The following CNTN3 variants were observed in gnomAD, a reference collection of about 807,000 sequenced individuals.
CNTN3 encodes contactin 3.
Under a neutral mutation model 119.1 loss-of-function variants are expected in CNTN3, and 60 were observed. The ratio of observed to expected loss-of-function variants is 0.50; its 90% CI spans 0.41 to 0.62. The LOEUF (loss-of-function observed/expected upper bound fraction) is 0.62. Ranked by LOEUF, CNTN3 falls within the 20% of genes least tolerant of loss-of-function variation. The pLI, the probability that CNTN3 is intolerant of heterozygous loss-of-function variation, is 0.00. For missense variants in CNTN3, 1,101 were observed against 1,242.4 expected, an observed-to-expected ratio of 0.89 and a Z score of 1.71; for synonymous variants, 450 against 438.7, an observed-to-expected ratio of 1.03 and a Z score of -0.32.
intron 8 of CNTN3, among the ~76,000 whole-genome samples, chr3:74,368,759 C>T (rs115956589): frequency 1.9e-4 from 28 of 150,008 alleles, no homozygotes; most frequent in African/African-American, 5.8e-4. Context: ...CCAGAGTTCA[C>T]GTGGTTTGTT....
chr3:74,464,389 C>G (rs542192242), intron 4 of CNTN3, among the ~76,000 whole-genome samples: 2 of 152,186 alleles, frequency 1.3e-5, no homozygotes, highest in South Asian at 4.1e-4. Flanking sequence ...ATTCTGATTT[C>G]TTTTTTGTTG....
At chr3:74,381,961 C>A (rs767391029) in intron 5 of CNTN3, among the ~76,000 whole-genome samples, 1 of 152,100 alleles carries the variant, frequency 6.6e-6, no homozygotes, top group Non-Finnish European at 1.5e-5. Flanking sequence ...GTAATACCAG[C>A]ACTTTGGGAG....
chr3:74,503,470 G>A (rs1703201171), intron 2 of CNTN3, among the ~76,000 whole-genome samples: 1 of 152,078 alleles, frequency 6.6e-6, no homozygotes, highest in Non-Finnish European at 1.5e-5. Context: ...AAGAGACAAG[G>A]CCTCTCAATC....
At position 74,371,293 on chromosome 3, in the gene CNTN3, C is replaced by T. The variant is rs140108637; in HGVS notation, c.561G>A (p.Glu187=). ...ATGTGTAATTTCCCACATCAGACGG[C>T]TCCACCTTAGATATGTAGAGGTGCC... is the stretch of plus-strand genomic sequence containing the variant. The part of the protein sequence containing the change: ...ETGHLYISKV[E]PSDVGNYTCV... Residue 187 remains glutamate (E), a synonymous_variant, in exon 6 of 23, where the codon GAG becomes GAA. Transcript: ENST00000263665. The T allele has an allele frequency of 1.8e-4, 288 of 1,613,476 alleles. 1 individual carries two copies. In the African/African-American group the frequency reaches 3.4e-3, roughly 19 times the overall value.
At chr3:74,342,631 TAA>T (rs1000938422) in intron 11 of CNTN3, among the ~76,000 whole-genome samples, 1 of 152,216 alleles carries the variant, frequency 6.6e-6, no homozygotes, top group Non-Finnish European at 1.5e-5. Context: ...ATTCATAAGT[TAA>T]AAGTCAACAA....
At chr3:74,339,597 A>G (rs866368983) in intron 11 of CNTN3, among the ~76,000 whole-genome samples, 8 of 152,072 alleles carry the variant, frequency 5.3e-5, no homozygotes, top group African/African-American at 1.9e-4. Flanking sequence ...TATTTGACTA[A>G]TATTTTTCTC....
At chr3:74,581,918 T>A (rs1022886652) in intron 1 of CNTN3, among the ~76,000 whole-genome samples, 5 of 152,188 alleles carry the variant, frequency 3.3e-5, no homozygotes, top group African/African-American at 9.7e-5. Context: ...TTATCCTCAA[T>A]CTTTATGTTA....
At chr3:74,482,239 T>C (rs2107030614) in intron 4 of CNTN3, among the ~76,000 whole-genome samples, 1 of 152,046 alleles carries the variant, frequency 6.6e-6, no homozygotes, top group East Asian at 1.9e-4. Context: ...AGCAAACAGC[T>C]AACATCCAAG....
rs568214271 is a variant in CNTN3, at chr3:74,402,887, C to T, written c.454+21958G>A. On this transcript the variant is annotated intron_variant, in intron 5 of 22. Transcript: ENST00000263665. The stretch of plus-strand genomic sequence containing the variant: ...GCAAAGATTCGAGAGTGTACTTTCA[C>T]GGCAGAGGGAACAGCTAATGCAAGG... Among the ~76,000 whole-genome samples, 86 of 152,170 alleles carry T rather than the reference C, an allele frequency of 5.7e-4. 1 individual carries two copies. The South Asian group carries it at 0.017, about 29-fold the overall frequency.
intron 5 of CNTN3, among the ~76,000 whole-genome samples, chr3:74,407,419 C>T (rs1701349429): frequency 6.7e-6 from 1 of 149,290 alleles, no homozygotes; most frequent in South Asian, 2.1e-4. Context: ...CAGGCATGTG[C>T]CACCACGCCT....
intron 1 of CNTN3, among the ~76,000 whole-genome samples, chr3:74,583,010 T>C (rs1043477517): frequency 1.3e-5 from 2 of 152,168 alleles, no homozygotes; most frequent in South Asian, 2.1e-4. Flanking sequence ...CAGGGCTACA[T>C]GGAGACACAC....
At chr3:74,533,071 G>A (rs1373737431) in intron 1 of CNTN3, among the ~76,000 whole-genome samples, 1 of 151,974 alleles carries the variant, frequency 6.6e-6, no homozygotes, top group African/African-American at 2.4e-5. Context: ...GGCTCGTCTT[G>A]GAGGCTCCTT....
chr3:74,295,552 C>G lies in CNTN3; in HGVS notation c.2402-316G>C, dbSNP rs112774326. On this transcript the variant is annotated intron_variant, in intron 18 of 22. Transcript: ENST00000263665. Reference sequence around the variant, plus strand: ...CCTCACCTTGTCCTTATTTCCTTCCCTTCATCTCATTCCTACTGCTTGGGA... The same window carrying G: ...CCTCACCTTGTCCTTATTTCCTTCCGTTCATCTCATTCCTACTGCTTGGGA... Among the ~76,000 whole-genome samples, 903 of 152,098 alleles carry G rather than the reference C, an allele frequency of 5.9e-3. 11 individuals are homozygous for G. The highest frequency in any genetic ancestry group is 0.021 in the African/African-American group (867 of 41,480).
intron 19 of CNTN3, among the ~76,000 whole-genome samples, chr3:74,291,049 C>T (rs1473016569): frequency 6.6e-6 from 1 of 152,060 alleles, no homozygotes; most frequent in East Asian, 1.9e-4. Flanking sequence ...TCCCTCCCCC[C>T]TTCCCCCACC....
chr3:74,444,633 T>C (rs1367227706), intron 4 of CNTN3, among the ~76,000 whole-genome samples: 3 of 152,216 alleles, frequency 2.0e-5, no homozygotes, highest in Non-Finnish European at 4.4e-5. Flanking sequence ...CCCCTTTCCC[T>C]ACCCAAACTG....
intron 2 of CNTN3, among the ~76,000 whole-genome samples, chr3:74,501,883 A>G (rs1430070474): frequency 1.3e-5 from 2 of 152,156 alleles, no homozygotes; most frequent in African/African-American, 4.8e-5. Flanking sequence ...CTAATTTAAA[A>G]GAGGCAATAT....
At chr3:74,290,950 G>A (rs1702218886) in intron 19 of CNTN3, among the ~76,000 whole-genome samples, 1 of 151,686 alleles carries the variant, frequency 6.6e-6, no homozygotes, top group African/African-American at 2.4e-5. Context: ...TGAACAATGT[G>A]CAGGTTTGTT....
chr3:74,499,790 A>G lies in CNTN3; in HGVS notation c.56-5T>C, dbSNP rs763518829. On this transcript the variant is annotated splice_region_variant and splice_polypyrimidine_tract_variant and intron_variant, in intron 2 of 22. Coordinates refer to ENST00000263665, the MANE Select transcript of CNTN3 (RefSeq NM_020872.3). Reference sequence around the variant, plus strand: ...GGCCTTGTAAGAGAAGCTCACCTATATGGGTGGGAGACATCCAAAAAATAA... The same window carrying G: ...GGCCTTGTAAGAGAAGCTCACCTATGTGGGTGGGAGACATCCAAAAAATAA... The G allele has an allele frequency of 3.1e-6, 5 of 1,597,028 alleles. No homozygotes were observed. The African/African-American group carries it at 5.4e-5, about 17-fold the overall frequency.
intron 1 of CNTN3, among the ~76,000 whole-genome samples, chr3:74,589,347 C>T (rs1192170161): frequency 6.7e-6 from 1 of 149,472 alleles, no homozygotes; most frequent in South Asian, 2.1e-4. Context: ...CCAAAAGACA[C>T]ATGAAAAAAT....
Sources: gnomAD v4.1 joint callset for allele counts (sites outside exome capture counted in the v4.1 genomes callset) on GRCh38, gnomAD v4.1.1 for gene constraint, MANE v1.5 for transcripts, NCBI Gene and HGNC (gene_info 2026-07-23, HGNC 2026-07-21) for gene names.